Variants in EPC2 observed in about 807,000 individuals in gnomAD.
EPC2 encodes enhancer of polycomb 2.
Under a neutral mutation model 92.1 loss-of-function variants are expected in EPC2, and 14 were observed. That is an observed-to-expected ratio of 0.15 (90% CI 0.10 to 0.24). The LOEUF (loss-of-function observed/expected upper bound fraction) is 0.24. EPC2 is among the 10% of genes least tolerant of loss of function. EPC2 has a pLI of 1.00. For synonymous variants in EPC2, 340 were observed against 334.7 expected, an observed-to-expected ratio of 1.02 and a Z score of -0.17; for missense variants, 755 against 971.5, an observed-to-expected ratio of 0.78 and a Z score of 2.96.
chr2:148,761,980 G>A, intron 5 of EPC2, 50 bp downstream of exon 5: 2 of 1,490,990 alleles, frequency 1.3e-6, no homozygotes, highest in South Asian at 1.4e-5. Context: ...ACCAAATGAT[G>A]GGCAAAATGA....
chr2:148,663,233 T>G (rs1316172352), intron 1 of EPC2, among the ~76,000 whole-genome samples: 1 of 147,446 alleles, frequency 6.8e-6, no homozygotes, highest in Admixed American at 6.8e-5. Context: ...ATTATTATTA[T>G]TATTATTTTG....
At chr2:148,678,891 G>T (rs147253086) in intron 1 of EPC2, among the ~76,000 whole-genome samples, 1 of 152,330 alleles carries the variant, frequency 6.6e-6, no homozygotes, top group African/African-American at 2.4e-5. Flanking sequence ...GGGAGCCCAG[G>T]CAGAGGAGGC....
chr2:148,660,568 T>C (rs1262227833), intron 1 of EPC2, among the ~76,000 whole-genome samples: 2 of 151,770 alleles, frequency 1.3e-5, no homozygotes, highest in African/African-American at 2.4e-5. Context: ...GACATATCAG[T>C]CAGAGTTTTT....
intron 2 of EPC2, among the ~76,000 whole-genome samples, chr2:148,720,205 A>T (rs1008095099): frequency 6.6e-6 from 1 of 152,200 alleles, no homozygotes; most frequent in African/African-American, 2.4e-5. Context: ...TAAAGAAGTA[A>T]TCTGGTCAAT....
At chr2:148,778,454 T>C (rs1391658892) in intron 10 of EPC2, among the ~76,000 whole-genome samples, 5 of 152,198 alleles carry the variant, frequency 3.3e-5, no homozygotes, top group Non-Finnish European at 2.9e-5. Context: ...AAATCTCTTA[T>C]GAATGTATTT....
At chr2:148,747,340 C>T (rs1683004776) in intron 3 of EPC2, among the ~76,000 whole-genome samples, 1 of 151,946 alleles carries the variant, frequency 6.6e-6, no homozygotes, top group Non-Finnish European at 1.5e-5. Flanking sequence ...AATCCTAAAC[C>T]CTTCCTAACT....
At chr2:148,729,262 G>A (rs990371643) in intron 2 of EPC2, among the ~76,000 whole-genome samples, 3 of 152,118 alleles carry the variant, frequency 2.0e-5, no homozygotes, top group Non-Finnish European at 4.4e-5. Context: ...ACTGCTTTTA[G>A]TTTTGAAATT....
rs1265724324 is a variant in EPC2, at chr2:148,787,101, T to C, written c.*724T>C. 6.6e-6 allele frequency: 1 copy of C among 152,648 alleles called. No individual in the cohort carries two copies. Among genetic ancestry groups the C allele is most frequent in the Non-Finnish European group, 1.5e-5 (1 of 68,048 alleles). The allele number at this position is 152,648 out of a possible 1,614,324, so 9.5% of individuals were successfully genotyped here. The stretch of plus-strand genomic sequence containing the variant: ...ACAGAAAAAATGGAATAGGAAAAAT[T>C]ATGCATCTAGCACATTTAAACTGTG... On this transcript the variant is annotated 3_prime_UTR_variant, in exon 14 of 14. Coordinates refer to ENST00000258484, the MANE Select transcript of EPC2 (RefSeq NM_015630.4).
intron 1 of EPC2, among the ~76,000 whole-genome samples, chr2:148,670,110 T>C (rs1681126183): frequency 6.6e-6 from 1 of 152,162 alleles, no homozygotes; most frequent in South Asian, 2.1e-4. Flanking sequence ...ACTCATGAAG[T>C]CTACTGAGCT....
At chr2:148,731,686 G>A (rs138464357) in intron 2 of EPC2, among the ~76,000 whole-genome samples, 60 of 152,314 alleles carry the variant, frequency 3.9e-4, no homozygotes, top group African/African-American at 1.4e-3. Context: ...ACAGGCATGA[G>A]CCACTGCCCC....
chr2:148,782,639 TAAG>T (rs1683776967), intron 11 of EPC2, among the ~76,000 whole-genome samples: 1 of 152,132 alleles, frequency 6.6e-6, no homozygotes, highest in South Asian at 2.1e-4. Context: ...ATGCTAGAGA[TAAG>T]AATAAAAATA....
chr2:148,740,498 C>T (rs957698602), intron 2 of EPC2, among the ~76,000 whole-genome samples: 3 of 152,122 alleles, frequency 2.0e-5, no homozygotes, highest in African/African-American at 7.2e-5. Flanking sequence ...TCTGATTTAA[C>T]ACATTGTCAG....
chr2:148,767,022 G>T, intron 7 of EPC2, among the ~76,000 whole-genome samples: 1 of 151,636 alleles, frequency 6.6e-6, no homozygotes, highest in Non-Finnish European at 1.5e-5. Flanking sequence ...CATCTTTACC[G>T]AAAAAACAGA....
At chr2:148,759,385 G>A (rs1371690501) in intron 4 of EPC2, among the ~76,000 whole-genome samples, 6 of 152,136 alleles carry the variant, frequency 3.9e-5, no homozygotes, top group East Asian at 1.9e-4. Context: ...GAGCCACTGC[G>A]CCCGGCCAAA....
intron 1 of EPC2, among the ~76,000 whole-genome samples, chr2:148,664,353 G>A (rs771720552): frequency 7.2e-5 from 11 of 152,074 alleles, no homozygotes; most frequent in African/African-American, 2.2e-4. Flanking sequence ...AGAAAAATTA[G>A]CCAGGCAGGG....
rs770742053 is a variant in EPC2, at chr2:148,761,916, A to C, written c.801A>C (p.Glu267Asp). The part of the protein sequence containing the change: ...TKRELLHLTL[E>D]VVEKRYHLGD... ...GAGAATTATTGCACTTAACCTTAGA[A>C]GTTGTGGAGAAAAGGTAACATTGCT... Residue 267 changes from glutamate to aspartate, a missense_variant, in exon 5 of 14, where the codon GAA becomes GAC. Transcript: ENST00000258484. 2.5e-6 allele frequency: 4 copies of C among 1,587,622 alleles called. No homozygotes were observed. The highest frequency in any genetic ancestry group is 3.4e-6 in the Non-Finnish European group (4 of 1,171,874).
At chr2:148,676,145 T>TTTATTTAC (rs1681257805) in intron 1 of EPC2, among the ~76,000 whole-genome samples, 1 of 151,858 alleles carries the variant, frequency 6.6e-6, no homozygotes, top group Admixed American at 6.6e-5. Context: ...TTTTTTAAAG[T>TTTATTTAC]CTGCTTTATT....
chr2:148,776,168 AT>A (rs1205846446), intron 10 of EPC2, among the ~76,000 whole-genome samples: 3 of 152,048 alleles, frequency 2.0e-5, no homozygotes, highest in Non-Finnish European at 4.4e-5. Context: ...CTTCCCATTC[AT>A]TCTTAAATTG....
chr2:148,709,625 A>T, intron 2 of EPC2, among the ~76,000 whole-genome samples: 1 of 152,242 alleles, frequency 6.6e-6, no homozygotes, highest in East Asian at 1.9e-4. Context: ...CCAAAACAGC[A>T]TGGTGCTGGT....
Sources: gnomAD v4.1 joint callset for allele counts (sites outside exome capture counted in the v4.1 genomes callset) on GRCh38, gnomAD v4.1.1 for gene constraint, MANE v1.5 for transcripts, NCBI Gene and HGNC (gene_info 2026-07-23, HGNC 2026-07-21) for gene names.